AFF3: variants seen among roughly 807,000 people sequenced by gnomAD.
AFF3 encodes AF4/FMR2 family member 3.
In AFF3, 32 loss-of-function variants were observed where a neutral mutation model predicts 129.7. That is an observed-to-expected ratio of 0.25 (90% CI 0.19 to 0.33). The LOEUF is 0.33. AFF3 is among the 10% of genes least tolerant of loss of function. AFF3 has a pLI of 1.00. For synonymous variants in AFF3, 644 were observed against 635.4 expected (o/e 1.01, Z -0.20); for missense variants, 1,373 against 1,592.0 (o/e 0.86, Z 2.34).
At chr2:99,877,735 TA>T (rs1241336207) in intron 7 of AFF3, among the ~76,000 whole-genome samples, 2 of 152,244 alleles carry the variant, frequency 1.3e-5, no homozygotes, top group African/African-American at 4.8e-5. Context: ...TGTTTGTTAC[TA>T]GTATGAAGGT....
chr2:99,845,220 T>G (rs146230024), intron 7 of AFF3, among the ~76,000 whole-genome samples: 239 of 152,344 alleles, frequency 1.6e-3, no homozygotes, highest in African/African-American at 5.5e-3. Flanking sequence ...AGAGAGTAAG[T>G]ATCAGTCTTC....
chr2:99,763,318 A>G (rs933290540), intron 8 of AFF3, among the ~76,000 whole-genome samples: 6 of 152,248 alleles, frequency 3.9e-5, no homozygotes, highest in African/African-American at 1.4e-4. Flanking sequence ...ACCTTATTTT[A>G]CCACTCTACA....
chr2:99,688,475 C>T (rs1461407530), intron 11 of AFF3, among the ~76,000 whole-genome samples: 1 of 152,208 alleles, frequency 6.6e-6, no homozygotes, highest in East Asian at 1.9e-4. Context: ...TACCTTAAAA[C>T]TACTGGGGGC....
At chr2:99,627,598 T>A (rs1051307292) in intron 13 of AFF3, among the ~76,000 whole-genome samples, 4 of 152,320 alleles carry the variant, frequency 2.6e-5, no homozygotes, top group Non-Finnish European at 4.4e-5. Flanking sequence ...TGTGTCAATT[T>A]TTGCTTTTAT....
At chr2:100,005,713 G>A (rs1167472718) in intron 7 of AFF3, among the ~76,000 whole-genome samples, 2 of 152,098 alleles carry the variant, frequency 1.3e-5, no homozygotes, top group East Asian at 1.9e-4. Flanking sequence ...TTTTCTAAAC[G>A]GTGATATGTT....
At chr2:100,142,089 G>A (rs559066147) in intron 1 of AFF3, among the ~76,000 whole-genome samples, 1 of 152,180 alleles carries the variant, frequency 6.6e-6, no homozygotes, top group African/African-American at 2.4e-5. Context: ...TATTTTTGAG[G>A]TTATAGCTAA....
chr2:99,640,787 CAT>C (rs1361620982), intron 13 of AFF3, among the ~76,000 whole-genome samples: 1 of 152,162 alleles, frequency 6.6e-6, no homozygotes, highest in Non-Finnish European at 1.5e-5. Context: ...TAAGACCAGA[CAT>C]AAATAAAGGA....
chr2:99,597,440 T>C (rs538800150), intron 14 of AFF3, among the ~76,000 whole-genome samples: 15 of 152,346 alleles, frequency 9.8e-5, no homozygotes, highest in African/African-American at 3.4e-4. Flanking sequence ...AATGCTTCTT[T>C]CAGGCAAGGG....
chr2:99,549,496 A>C lies in AFF3; in HGVS notation c.*1978T>G, dbSNP rs755103166. The C allele has an allele frequency of 1.1e-4, 20 of 180,588 alleles. No homozygotes were observed. Among genetic ancestry groups the C allele is most frequent in the Non-Finnish European group, 2.4e-4 (20 of 84,604 alleles). 11.2% of individuals were successfully genotyped at this position (180,588 alleles called of 1,614,324 possible). A position where few individuals can be genotyped will look rare whatever the true frequency, so the allele number is the denominator to read the frequency against. Reference sequence around the variant, plus strand: ...GCTACTTGGGAGGCTGAGGCGGGACAATCACTTGAACCCAGGAGGCAGAGG... The same window carrying C: ...GCTACTTGGGAGGCTGAGGCGGGACCATCACTTGAACCCAGGAGGCAGAGG... On this transcript the variant is annotated 3_prime_UTR_variant, in exon 25 of 25. Coordinates refer to ENST00000672756, the MANE Select transcript of AFF3 (RefSeq NM_001386135.1).
chr2:99,582,490 G>T (rs1677665723), intron 17 of AFF3, among the ~76,000 whole-genome samples: 1 of 152,166 alleles, frequency 6.6e-6, no homozygotes, highest in Non-Finnish European at 1.5e-5. Flanking sequence ...AAGATTGGTT[G>T]GTTCAAACTC....
intron 11 of AFF3, among the ~76,000 whole-genome samples, chr2:99,678,631 T>C (rs1386483337): frequency 6.6e-6 from 1 of 152,262 alleles, no homozygotes; most frequent in Non-Finnish European, 1.5e-5. Context: ...GGCTGTTTGA[T>C]TTTCAGATTT....
At chr2:99,776,858 G>A (rs1226342494) in intron 8 of AFF3, among the ~76,000 whole-genome samples, 3 of 152,198 alleles carry the variant, frequency 2.0e-5, no homozygotes. Flanking sequence ...CCCTGCATAA[G>A]GCAGAAAATC....
intron 8 of AFF3, 106 bp from the exon 9 acceptor site, chr2:99,752,407 T>C: frequency 1.3e-6 from 1 of 792,876 alleles, no homozygotes; most frequent in Non-Finnish European, 2.0e-6. Flanking sequence ...CAGGGAAGGG[T>C]TAAAAAATGT....
At chr2:100,127,588 G>A (rs1212895376) in intron 2 of AFF3, among the ~76,000 whole-genome samples, 1 of 152,166 alleles carries the variant, frequency 6.6e-6, no homozygotes, top group Non-Finnish European at 1.5e-5. Flanking sequence ...CTGCACAAAT[G>A]CTCTGAATGT....
intron 7 of AFF3, among the ~76,000 whole-genome samples, chr2:100,001,034 T>C (rs1319778511): frequency 6.6e-6 from 1 of 152,212 alleles, no homozygotes; most frequent in Non-Finnish European, 1.5e-5. Context: ...CGGGGGTTCT[T>C]GAGCAGCCCC....
chr2:99,688,059 G>T (rs1675244474), intron 11 of AFF3, among the ~76,000 whole-genome samples: 1 of 152,134 alleles, frequency 6.6e-6, no homozygotes, highest in Admixed American at 6.5e-5. Flanking sequence ...AGCCAGGATG[G>T]TCTTGATCTC....
chr2:99,979,307 G>A (rs1156784673), intron 7 of AFF3, among the ~76,000 whole-genome samples: 1 of 152,082 alleles, frequency 6.6e-6, no homozygotes, highest in Non-Finnish European at 1.5e-5. Flanking sequence ...GGCAGCCTGT[G>A]AGATGGGCTC....
chr2:99,776,499 T>A (rs1683913404), intron 8 of AFF3, among the ~76,000 whole-genome samples: 1 of 152,204 alleles, frequency 6.6e-6, no homozygotes, highest in African/African-American at 2.4e-5. Context: ...TGGAGTGGAA[T>A]ATGCTTTATG....
At chr2:99,829,410 A>G (rs566765392) in intron 8 of AFF3, among the ~76,000 whole-genome samples, 223 of 152,334 alleles carry the variant, frequency 1.5e-3, no homozygotes, top group African/African-American at 5.1e-3. Context: ...TAACATCCAG[A>G]ATCTACAAGG....
Sources: gnomAD v4.1 joint callset for allele counts (sites outside exome capture counted in the v4.1 genomes callset) on GRCh38, gnomAD v4.1.1 for gene constraint, MANE v1.5 for transcripts, NCBI Gene and HGNC (gene_info 2026-07-23, HGNC 2026-07-21) for gene names.